Variants in UACA observed in about 807,000 individuals in gnomAD.
UACA encodes uveal autoantigen with coiled-coil domains and ankyrin repeats.
Under a neutral mutation model 160.5 loss-of-function variants are expected in UACA, and 112 were observed. That is an observed-to-expected ratio of 0.70 (90% CI 0.60 to 0.82). UACA has a LOEUF of 0.82. Among genes scored for constraint, UACA ranks in the 40% least tolerant of loss-of-function variants. The pLI is 0.00. For missense variants in UACA, 1,574 were observed against 1,614.6 expected (o/e 0.97, Z 0.43); for synonymous variants, 557 against 568.4 (o/e 0.98, Z 0.29).
intron 15 of UACA, 132 bp downstream of exon 15, chr15:70,670,907 T>C (rs1037673503): frequency 1.4e-5 from 6 of 436,006 alleles, no homozygotes; most frequent in African/African-American, 2.0e-5. Flanking sequence ...CAGGACCAAC[T>C]TGTCTTTGAT....
chr15:70,742,461 T>C (rs1899565986), intron 1 of UACA, among the ~76,000 whole-genome samples: 1 of 152,242 alleles, frequency 6.6e-6, no homozygotes, highest in Non-Finnish European at 1.5e-5. Flanking sequence ...ACACAAGTTT[T>C]TCACATCTAA....
intron 1 of UACA, among the ~76,000 whole-genome samples, chr15:70,725,815 T>C (rs967230154): frequency 2.1e-4 from 32 of 152,104 alleles, no homozygotes; most frequent in African/African-American, 7.5e-4. Flanking sequence ...CCAAGGAAGA[T>C]GAAGGCGACA....
Position 70,660,014 on chromosome 15 carries a change from G to C in UACA, c.4179+137C>G, listed in dbSNP as rs1176002357. ...GGAGATCCACAAACAATGATTAAAA[G>C]AAACATAATTATTTTTAAATAAGCA... On this transcript the variant is annotated intron_variant, in intron 18 of 18. Transcript: ENST00000322954. 7.5e-6 allele frequency: 5 copies of C among 662,786 alleles called. No homozygotes were observed. The Admixed American group carries it at 1.8e-4, about 23-fold the overall frequency. 41.1% of individuals were successfully genotyped at this position (662,786 alleles called of 1,614,324 possible). A position where few individuals can be genotyped will look rare whatever the true frequency, so the allele number is the denominator to read the frequency against.
At chr15:70,755,152 C>G (rs1169563868) in intron 1 of UACA, among the ~76,000 whole-genome samples, 1 of 152,046 alleles carries the variant, frequency 6.6e-6, no homozygotes, top group Non-Finnish European at 1.5e-5. Flanking sequence ...ATTCTTGGAT[C>G]TAGTTTACCA....
upstream of UACA, among the ~76,000 whole-genome samples, chr15:70,765,844 A>G (rs1016331734): frequency 4.6e-5 from 7 of 152,224 alleles, no homozygotes; most frequent in African/African-American, 1.7e-4. Flanking sequence ...ATAAGCACCC[A>G]TTTACCATCT....
chr15:70,690,158 C>G lies in UACA; in HGVS notation c.424+296G>C, dbSNP rs911509597. On this transcript the variant is annotated intron_variant, in intron 5 of 18. Coordinates refer to ENST00000322954, the MANE Select transcript of UACA (RefSeq NM_018003.4). The stretch of plus-strand genomic sequence containing the variant: ...ACACACATTCTCTCTCTGTTTCCCT[C>G]TCTCTCTCTCTCTCACACACACACA... Among the ~76,000 whole-genome samples the G allele has an allele frequency of 8.7e-5, 13 of 150,250 alleles. 1 individual carries two copies. Among genetic ancestry groups the G allele is most frequent in the African/African-American group, 3.2e-4 (13 of 40,930 alleles).
chr15:70,687,874 T>C (rs908451154), intron 5 of UACA, 54 bp from the exon 6 acceptor site: 4 of 1,548,468 alleles, frequency 2.6e-6, no homozygotes, highest in South Asian at 1.1e-5. Context: ...GTAAGACACA[T>C]AGTGTTTTTC....
intron 16 of UACA, among the ~76,000 whole-genome samples, chr15:70,666,516 A>G (rs1896910443): frequency 6.6e-6 from 1 of 152,234 alleles, no homozygotes; most frequent in Admixed American, 6.5e-5. Flanking sequence ...ATTCTTGGCT[A>G]GAACAGCTAA....
At chr15:70,745,277 T>C (rs1029116893) in intron 1 of UACA, among the ~76,000 whole-genome samples, 1 of 150,842 alleles carries the variant, frequency 6.6e-6, no homozygotes, top group South Asian at 2.1e-4. Context: ...TAAAAAAAAA[T>C]ACAAAAAATT....
chr15:70,693,074 C>T lies in UACA; in HGVS notation c.302-1711G>A, dbSNP rs191672082. On this transcript the variant is annotated intron_variant, in intron 3 of 18. Transcript: ENST00000322954. ...TGTTCATGGACAAGTGTCCTAGAAA[C>T]ATTTCACATTGTGAAAAGTGACTAA... Among the ~76,000 whole-genome samples the T allele has an allele frequency of 4.0e-3, 615 of 152,266 alleles. 2 individuals are homozygous for T. The highest frequency in any genetic ancestry group is 0.037 in the Middle Eastern group (11 of 294).
At position 70,710,702 on chromosome 15, in the gene UACA, A is replaced by C. The variant is rs184997602; in HGVS notation, c.79-11042T>G. Among the ~76,000 whole-genome samples the C allele has an allele frequency of 1.7e-3, 258 of 152,308 alleles. 1 individual carries two copies. Among genetic ancestry groups the C allele is most frequent in the Non-Finnish European group, 2.9e-3 (198 of 68,024 alleles). ...ACACTTTACCTATGCTTACTCGTTT[A>C]TTGTAAAGGATGTTACCAAGCTTGC... On this transcript the variant is annotated intron_variant, in intron 1 of 18. Transcript: ENST00000322954.
intron 3 of UACA, among the ~76,000 whole-genome samples, chr15:70,693,446 T>C (rs1219795324): frequency 1.3e-5 from 2 of 152,156 alleles, no homozygotes; most frequent in Non-Finnish European, 2.9e-5. Flanking sequence ...TAAAGATGTG[T>C]ATTCACATTG....
chr15:70,717,638 T>G (rs1437757567), intron 1 of UACA, among the ~76,000 whole-genome samples: 1 of 152,210 alleles, frequency 6.6e-6, no homozygotes, highest in Non-Finnish European at 1.5e-5. Context: ...GCATGCTGCC[T>G]TCTCATAAGA....
intron 7 of UACA, among the ~76,000 whole-genome samples, chr15:70,686,107 T>TA (rs1180485841): frequency 1.3e-5 from 2 of 151,788 alleles, no homozygotes; most frequent in Non-Finnish European, 2.9e-5. Flanking sequence ...AAAGTAATAT[T>TA]AAAAAGCCAC....
At position 70,687,660 on chromosome 15, in the gene UACA, A is replaced by G; in HGVS notation, c.496-14T>C. 6.2e-7 allele frequency: 1 copy of G among 1,613,768 alleles called. No individual in the cohort carries two copies. The highest frequency in any genetic ancestry group is 8.5e-7 in the Non-Finnish European group (1 of 1,179,760). On this transcript the variant is annotated splice_polypyrimidine_tract_variant and intron_variant, in intron 6 of 18. Coordinates refer to ENST00000322954, the MANE Select transcript of UACA (RefSeq NM_018003.4). ...TGTCCGCCCGTCCTAAGCAACAGGA[A>G]AAATAAAACAGCATTAAGACAACAG...
intron 1 of UACA, chr15:70,702,387 T>C (rs1488262498): frequency 3.9e-5 from 34 of 875,970 alleles, no homozygotes; most frequent in Admixed American, 6.2e-5. Flanking sequence ...TTAGATTCCA[T>C]AGGACTTGAC....
chr15:70,671,986 A>T lies in UACA; in HGVS notation c.1147T>A (p.Ser383Thr). 6.3e-7 allele frequency: 1 copy of T among 1,596,746 alleles called. No homozygotes were observed. The highest frequency in any genetic ancestry group is 8.5e-7 in the Non-Finnish European group (1 of 1,171,784). ...TTACGGTTACTGAAATGACTTCCTGATCCTAAATGATCACTCTGAAATCAG... is the reference window on the plus strand; with the variant it reads ...TTACGGTTACTGAAATGACTTCCTGTTCCTAAATGATCACTCTGAAATCAG... Reference protein sequence around the residue: ...FKYFESDHLGSGSHFSNRKED... With the variant: ...FKYFESDHLGTGSHFSNRKED... The change falls in exon 14 of 19, where the codon TCA (serine) becomes ACA (threonine). Residue 383 changes from serine to threonine, a missense_variant. By Grantham distance (58) the Ser-to-Thr change is moderately conservative. Coordinates refer to ENST00000322954, the MANE Select transcript of UACA (RefSeq NM_018003.4).
chr15:70,671,336 T>G (rs1007411914), intron 14 of UACA: 5 of 286,504 alleles, frequency 1.7e-5, no homozygotes, highest in African/African-American at 1.1e-4. Flanking sequence ...CTATGCTCTC[T>G]CTCAGCAGAA....
chr15:70,741,433 C>A (rs1449100599), intron 1 of UACA, among the ~76,000 whole-genome samples: 2 of 152,098 alleles, frequency 1.3e-5, no homozygotes, highest in Non-Finnish European at 2.9e-5. Context: ...AACTGGGGAG[C>A]CCAGCAGAAA....
Sources: gnomAD v4.1 joint callset for allele counts (sites outside exome capture counted in the v4.1 genomes callset) on GRCh38, gnomAD v4.1.1 for gene constraint, MANE v1.5 for transcripts, NCBI Gene and HGNC (gene_info 2026-07-23, HGNC 2026-07-21) for gene names.